The following ADGRG2 variants were observed in gnomAD, a reference collection of about 807,000 sequenced individuals.
The protein encoded by ADGRG2 is adhesion G protein-coupled receptor G2, also known as G protein-coupled receptor 64.
Under a neutral mutation model 74.1 loss-of-function variants are expected in ADGRG2, and 26 were observed. The observed-to-expected ratio is 0.35, with a 90% CI of 0.26 to 0.49. The LOEUF (loss-of-function observed/expected upper bound fraction) is 0.49. Ranked by LOEUF, ADGRG2 falls within the 20% of genes least tolerant of loss-of-function variation. The pLI is 0.99. For synonymous variants in ADGRG2, 296 were observed against 295.2 expected (o/e 1.00, Z -0.03); for missense variants, 619 against 763.1 (o/e 0.81, Z 2.22).
chrX:19,039,503 C>A (rs949628980), intron 4 of ADGRG2, among the ~76,000 whole-genome samples: 1 of 112,288 alleles, frequency 8.9e-6, no homozygotes, highest in Non-Finnish European at 1.9e-5. Flanking sequence ...AGATGGTGTA[C>A]CCAAAAGAAT....
intron 22 of ADGRG2, 140 bp downstream of exon 22, chrX:19,005,862 C>G (rs1171683694): frequency 8.5e-6 from 4 of 469,512 alleles, no homozygotes; most frequent in Non-Finnish European, 1.5e-5. Flanking sequence ...AAAGAGCAAT[C>G]TCATTGGTGT....
chrX:19,030,677 T>G (rs2060807499), intron 9 of ADGRG2, among the ~76,000 whole-genome samples: 1 of 112,392 alleles, frequency 8.9e-6, no homozygotes, highest in Non-Finnish European at 1.9e-5. Context: ...TCTTTATTAG[T>G]TATGTTCACA....
Position 18,999,051 on chromosome X carries a change from C to T in ADGRG2, c.2559G>A (p.Trp853Ter), listed in dbSNP as rs2060075076. 1 of 1,206,846 alleles carries T rather than the reference C, an allele frequency of 8.3e-7. No homozygotes were observed. Among genetic ancestry groups the T allele is most frequent in the Admixed American group, 2.2e-5 (1 of 45,650 alleles). The change falls in exon 26 of 29, where the codon TGG becomes TGA. Residue 853 changes from tryptophan to a stop codon, truncating the protein, a stop_gained. Transcript: ENST00000379869. LOFTEE classifies it high-confidence loss of function. ...GITWGFAFFA[W>*]GPVNVTFMYL... ...ACATGAAGGTCACGTTAACTGGTCC[C>T]CAGGCAAAGAAGGCAAAGCCCCAAG...
chrX:18,998,923 G>A, intron 26 of ADGRG2, 73 bp downstream of exon 26: 1 of 866,538 alleles, frequency 1.2e-6, no homozygotes, highest in Non-Finnish European at 1.6e-6. Context: ...AGGCATGCCT[G>A]TACTCTTTTA....
intron 1 of ADGRG2, among the ~76,000 whole-genome samples, chrX:19,095,315 G>A (rs2062077713): frequency 9.0e-6 from 1 of 111,352 alleles, no homozygotes; most frequent in Non-Finnish European, 1.9e-5. Flanking sequence ...CTAATCACTT[G>A]CCACTGTACC....
At chrX:19,045,065 G>A (rs2061149767) in intron 3 of ADGRG2, among the ~76,000 whole-genome samples, 2 of 110,409 alleles carry the variant, frequency 1.8e-5, no homozygotes, top group Non-Finnish European at 1.9e-5. Flanking sequence ...AGGACTCCTC[G>A]ACCCTGAAGA....
rs376497615 is a variant in ADGRG2 at position 18,992,583 on chromosome X, G to A, written c.2870-1535C>T. On this transcript the variant is annotated intron_variant, in intron 28 of 28. Coordinates refer to ENST00000379869, the MANE Select transcript of ADGRG2 (RefSeq NM_001079858.3). ...TGGGATTACAGGTGTGAGCCACTGC[G>A]CCCAGCCCTAGCTTTCTTTTTTGAA... Among the ~76,000 whole-genome samples the A allele has an allele frequency of 1.5e-4, 17 of 112,318 alleles. No individual in the cohort carries two copies. In the South Asian group the frequency reaches 4.7e-3, roughly 31 times the overall value.
At chrX:19,120,637 G>A (rs183901415) in intron 1 of ADGRG2, among the ~76,000 whole-genome samples, 2 of 111,358 alleles carry the variant, frequency 1.8e-5, no homozygotes, top group Admixed American at 9.5e-5. Context: ...CTCTTTCCAC[G>A]TATGGTGACT....
At chrX:19,033,758 C>T in intron 7 of ADGRG2, 104 bp from the exon 8 acceptor site, 1 of 431,138 alleles carries the variant, frequency 2.3e-6, no homozygotes, top group Non-Finnish European at 4.2e-6. Flanking sequence ...AAAAGTCACA[C>T]TGTTGACACC....
intron 1 of ADGRG2, among the ~76,000 whole-genome samples, chrX:19,110,705 AC>A (rs1423090978): frequency 2.1e-5 from 2 of 93,334 alleles, no homozygotes; most frequent in Admixed American, 1.1e-4. Flanking sequence ...CAAAAAACAA[AC>A]AAAAAAAAAA....
At chrX:19,017,341 G>A in intron 15 of ADGRG2, among the ~76,000 whole-genome samples, 1 of 112,407 alleles carries the variant, frequency 8.9e-6, no homozygotes, top group South Asian at 3.7e-4. Flanking sequence ...CTGAGATGCT[G>A]AAGGTAAAAA....
intron 3 of ADGRG2, among the ~76,000 whole-genome samples, chrX:19,055,286 G>GCGCGCGCACGCGCGTGCA (rs1283064445): frequency 9.0e-6 from 1 of 111,423 alleles, no homozygotes; most frequent in Non-Finnish European, 1.9e-5. Context: ...GTGTGTGTGT[G>GCGCGCGCACGCGCGTGCA]CGCGCGCACG....
At chrX:19,055,730 A>AT (rs780575905) in intron 3 of ADGRG2, among the ~76,000 whole-genome samples, 950 of 94,822 alleles carry the variant, frequency 0.01, 15 homozygotes, top group African/African-American at 0.03. Context: ...CAGGTGGGAG[A>AT]TTTTTTTTTT....
At chrX:19,082,902 C>G in intron 1 of ADGRG2, among the ~76,000 whole-genome samples, 156 bp from the exon 2 acceptor site, 1 of 112,177 alleles carries the variant, frequency 8.9e-6, no homozygotes, top group Non-Finnish European at 1.9e-5. Flanking sequence ...AGTGGAGTTA[C>G]AGAAAAAATG....
At chrX:19,015,370 G>A (rs2060446147) in intron 15 of ADGRG2, among the ~76,000 whole-genome samples, 1 of 112,403 alleles carries the variant, frequency 8.9e-6, no homozygotes, top group Admixed American at 9.4e-5. Context: ...CATCCCCTGA[G>A]GTTCGGGGCA....
At chrX:19,019,740 T>C (rs1032855494) in intron 14 of ADGRG2, 75 bp from the exon 15 acceptor site, 4 of 551,954 alleles carry the variant, frequency 7.2e-6, no homozygotes, top group African/African-American at 2.3e-5. Flanking sequence ...CTCAGAACCA[T>C]TAAGTATCAC....
Position 18,989,794 on chromosome X carries a change from G to A in ADGRG2, c.*1070C>T, listed in dbSNP as rs182239120. 183 of 112,152 alleles carry A rather than the reference G, an allele frequency of 1.6e-3. No homozygotes were observed. Among genetic ancestry groups the A allele is most frequent in the African/African-American group, 5.5e-3 (171 of 30,813 alleles). 9.2% of individuals were successfully genotyped at this position (112,152 alleles called of 1,213,427 possible). The stretch of plus-strand genomic sequence containing the variant: ...ACCATGCAGTTGCCTTTTAAAGAAC[G>A]GCAATATGATTTTTTTCCATATATA... On this transcript the variant is annotated 3_prime_UTR_variant, in exon 29 of 29. Transcript: ENST00000379869.
intron 7 of ADGRG2, chrX:19,034,199 T>G (rs1305162145): frequency 9.0e-6 from 1 of 111,570 alleles, no homozygotes; most frequent in Non-Finnish European, 1.9e-5. Context: ...CTATACACAA[T>G]CACATAACAC....
At chrX:19,015,737 G>A (rs1205713979) in intron 15 of ADGRG2, among the ~76,000 whole-genome samples, 2 of 111,120 alleles carry the variant, frequency 1.8e-5, no homozygotes, top group African/African-American at 3.3e-5. Flanking sequence ...ACAAACAAAC[G>A]AACAAACAAC....
Sources: gnomAD v4.1 joint callset for allele counts (sites outside exome capture counted in the v4.1 genomes callset) on GRCh38, gnomAD v4.1.1 for gene constraint, MANE v1.5 for transcripts, NCBI Gene and HGNC (gene_info 2026-07-23, HGNC 2026-07-21) for gene names.